The following CORO1C variants were observed in gnomAD, a reference collection of about 807,000 sequenced individuals.
The protein encoded by CORO1C is coronin-1C.
CORO1C carries 14 observed loss-of-function variants against 51.2 expected under a neutral mutation model. The observed-to-expected ratio is 0.27, with a 90% CI of 0.18 to 0.43. The LOEUF (loss-of-function observed/expected upper bound fraction) is 0.43. Ranked by LOEUF, CORO1C falls within the 20% of genes least tolerant of loss-of-function variation. The pLI, the probability that CORO1C is intolerant of heterozygous loss-of-function variation, is 1.00. For missense variants in CORO1C, 417 were observed against 607.8 expected, an observed-to-expected ratio of 0.69 and a Z score of 3.30; for synonymous variants, 181 against 210.5, an observed-to-expected ratio of 0.86 and a Z score of 1.21.
At chr12:108,678,116 C>T (rs1048829701) in intron 3 of CORO1C, among the ~76,000 whole-genome samples, 156 bp downstream of exon 3, 21 of 152,192 alleles carry the variant, frequency 1.4e-4, no homozygotes, top group South Asian at 8.3e-4. Flanking sequence ...TAAACTTAAA[C>T]GTAGTAAATT....
chr12:108,656,231 C>T (rs1410387062), intron 6 of CORO1C, among the ~76,000 whole-genome samples: 1 of 151,614 alleles, frequency 6.6e-6, no homozygotes, highest in Non-Finnish European at 1.5e-5. Context: ...CGGCAGCCAC[C>T]CCGTCTGGGA....
intron 1 of CORO1C, among the ~76,000 whole-genome samples, chr12:108,712,177 T>C (rs186633475): frequency 2.6e-5 from 4 of 152,280 alleles, no homozygotes; most frequent in Admixed American, 1.3e-4. Flanking sequence ...AGAGATCCGA[T>C]GTGTTATTCA....
At chr12:108,692,019 T>TCACAAAACTGTGGAA (rs2034515048) in intron 2 of CORO1C, among the ~76,000 whole-genome samples, 1 of 151,470 alleles carries the variant, frequency 6.6e-6, no homozygotes, top group East Asian at 2.0e-4. Flanking sequence ...AAACTGTGGA[T>TCACAAAACTGTGGAA]AACACAGTCA....
chr12:108,661,665 A>T (rs1363190283), intron 4 of CORO1C, among the ~76,000 whole-genome samples: 2 of 152,186 alleles, frequency 1.3e-5, no homozygotes, highest in African/African-American at 2.4e-5. Flanking sequence ...GCTGGCAGCA[A>T]CACCACAGAG....
chr12:108,686,845 G>T (rs981475764), intron 2 of CORO1C, among the ~76,000 whole-genome samples: 1 of 152,162 alleles, frequency 6.6e-6, no homozygotes, highest in Non-Finnish European at 1.5e-5. Context: ...AGTACAGCCT[G>T]CCCAGAGCCA....
intron 1 of CORO1C, among the ~76,000 whole-genome samples, chr12:108,728,797 A>C (rs565593000): frequency 1.3e-3 from 204 of 152,328 alleles, no homozygotes; most frequent in Admixed American, 2.5e-3. Flanking sequence ...ATTCTGTTTT[A>C]ATACAGAAAA....
chr12:108,719,039 C>T (rs1293348063), intron 1 of CORO1C, among the ~76,000 whole-genome samples: 2 of 152,202 alleles, frequency 1.3e-5, no homozygotes, highest in Non-Finnish European at 2.9e-5. Context: ...TACTCTACTA[C>T]AAAAAGCTTT....
chr12:108,718,369 GAAA>G (rs58845281), intron 1 of CORO1C, among the ~76,000 whole-genome samples: 1 of 132,324 alleles, frequency 7.6e-6, no homozygotes, highest in Non-Finnish European at 1.6e-5. Flanking sequence ...ACTCCGTCTC[GAAA>G]AAAAAAAAAA....
intron 1 of CORO1C, among the ~76,000 whole-genome samples, chr12:108,719,466 C>G (rs1457677246): frequency 1.6e-4 from 24 of 152,192 alleles, no homozygotes; most frequent in Non-Finnish European, 1.0e-4. Flanking sequence ...GCGATTAGAT[C>G]ATTTTAACAG....
At chr12:108,729,190 G>A (rs1332017746) in intron 1 of CORO1C, among the ~76,000 whole-genome samples, 3 of 152,068 alleles carry the variant, frequency 2.0e-5, no homozygotes, top group Non-Finnish European at 4.4e-5. Context: ...GGTTGGAGTG[G>A]ATCCCAGAAG....
At chr12:108,719,263 T>A (rs1470996979) in intron 1 of CORO1C, among the ~76,000 whole-genome samples, 2 of 152,164 alleles carry the variant, frequency 1.3e-5, no homozygotes, top group African/African-American at 4.8e-5. Flanking sequence ...GGGCTTCCTA[T>A]CCCTAATACT....
At chr12:108,722,158 C>G (rs762663352) in intron 1 of CORO1C, among the ~76,000 whole-genome samples, 9 of 152,140 alleles carry the variant, frequency 5.9e-5, no homozygotes, top group Non-Finnish European at 1.0e-4. Context: ...CAGTAAGGAA[C>G]CTCCTCTTTA....
At chr12:108,710,856 C>T (rs2035160306) in intron 1 of CORO1C, among the ~76,000 whole-genome samples, 1 of 152,184 alleles carries the variant, frequency 6.6e-6, no homozygotes, top group Non-Finnish European at 1.5e-5. Context: ...GCCACCGCGC[C>T]TGGCCTAAAA....
intron 10 of CORO1C, 110 bp downstream of exon 10, chr12:108,648,495 C>T: frequency 6.9e-7 from 1 of 1,451,406 alleles, no homozygotes; most frequent in South Asian, 1.3e-5. Flanking sequence ...TTACTGAAAA[C>T]CCCTGAGCAC....
chr12:108,729,401 T>A (rs115039223), intron 1 of CORO1C, among the ~76,000 whole-genome samples: 325 of 152,346 alleles, frequency 2.1e-3, no homozygotes, highest in African/African-American at 7.6e-3. Context: ...ATGTATCTAT[T>A]AAAATTCATC....
chr12:108,708,620 C>A (rs1012700621), intron 1 of CORO1C, among the ~76,000 whole-genome samples: 2 of 152,022 alleles, frequency 1.3e-5, no homozygotes, highest in African/African-American at 4.8e-5. Context: ...TGCCACCACG[C>A]CCAGCTAATT....
chr12:108,713,727 G>C (rs114585552), intron 1 of CORO1C, among the ~76,000 whole-genome samples: 1 of 152,166 alleles, frequency 6.6e-6, no homozygotes, highest in Admixed American at 6.5e-5. Flanking sequence ...TACAAAGTAC[G>C]GAGCAGTTCC....
intron 2 of CORO1C, among the ~76,000 whole-genome samples, chr12:108,683,139 G>T (rs960158607): frequency 7.9e-5 from 12 of 152,188 alleles, no homozygotes. Flanking sequence ...TAGAAAAGAT[G>T]CCAGGTACAG....
chr12:108,687,310 C>T (rs752980288), intron 2 of CORO1C, among the ~76,000 whole-genome samples: 4 of 152,106 alleles, frequency 2.6e-5, no homozygotes, highest in Non-Finnish European at 5.9e-5. Flanking sequence ...AGAAATCCGG[C>T]GAAACCCTGT....
Sources: allele counts gnomAD v4.1 joint callset (sites outside exome capture counted in the v4.1 genomes callset), GRCh38; gene constraint gnomAD v4.1.1; transcripts MANE v1.5; gene names NCBI Gene and HGNC (gene_info 2026-07-23, HGNC 2026-07-21).